Variants in ALK observed in about 807,000 individuals in gnomAD.
ALK encodes the protein ALK receptor tyrosine kinase, also known as ALK tyrosine kinase receptor.
In ALK, 74 loss-of-function variants were observed where a neutral mutation model predicts 163.1. The observed-to-expected ratio is 0.45, with a 90% CI of 0.38 to 0.55. The LOEUF (loss-of-function observed/expected upper bound fraction) is 0.55. Among genes scored for constraint, ALK ranks in the 20% least tolerant of loss-of-function variants. ALK has a pLI of 0.00. For missense variants in ALK, 2,063 were observed against 2,105.3 expected (o/e 0.98, Z 0.39); for synonymous variants, 960 against 843.2 (o/e 1.14, Z -2.40).
intron 9 of ALK, among the ~76,000 whole-genome samples, chr2:29,287,384 A>T (rs1665887119): frequency 6.6e-6 from 1 of 152,244 alleles, no homozygotes; most frequent in Admixed American, 6.5e-5. Flanking sequence ...TACACACAAT[A>T]GATGCCTAAC....
rs1297505919 is a variant in ALK, at chr2:29,209,809, G to A, written c.3813C>T (p.Phe1271=). 7.4e-6 allele frequency: 12 copies of A among 1,613,954 alleles called. No individual in the cohort carries two copies. Among genetic ancestry groups the A allele is most frequent in the African/African-American group, 5.3e-5 (4 of 74,902 alleles). The change falls in exon 25 of 29, where the codon TTC becomes TTT. Residue 1271 remains phenylalanine, a synonymous_variant. Coordinates refer to ENST00000389048, the MANE Select transcript of ALK (RefSeq NM_004304.5). ...ACCTGTAGATGTCTCGGGCCATCCCGAAGTCTCCAATCTTGGCCACTCTTC... is the reference window on the plus strand; with the variant it reads ...ACCTGTAGATGTCTCGGGCCATCCCAAAGTCTCCAATCTTGGCCACTCTTC... The part of the protein sequence containing the change: ...GPGRVAKIGD[F]GMARDIYRAS...
intron 1 of ALK, among the ~76,000 whole-genome samples, chr2:29,722,075 T>G (rs184531726): frequency 1.4e-4 from 21 of 152,338 alleles, no homozygotes; most frequent in Admixed American, 1.1e-3. Context: ...CTTCTTGGAT[T>G]TTTCACATCC....
At chr2:29,311,907 A>T (rs1288887207) in intron 8 of ALK, among the ~76,000 whole-genome samples, 1 of 152,062 alleles carries the variant, frequency 6.6e-6, no homozygotes, top group Non-Finnish European at 1.5e-5. Context: ...GAGCAAAGGG[A>T]CTTTTGGCAG....
At chr2:29,621,756 C>T (rs929953279) in intron 3 of ALK, among the ~76,000 whole-genome samples, 3 of 152,196 alleles carry the variant, frequency 2.0e-5, no homozygotes, top group African/African-American at 7.2e-5. Flanking sequence ...AGGTGACCCC[C>T]TCAAGAATTC....
chr2:29,240,280 A>T (rs905716312), intron 12 of ALK, among the ~76,000 whole-genome samples: 16 of 152,096 alleles, frequency 1.1e-4, no homozygotes, highest in Non-Finnish European at 1.3e-4. Context: ...CAATGGACTC[A>T]TGTGACCTTA....
At chr2:29,432,343 A>G (rs1670291699) in intron 4 of ALK, among the ~76,000 whole-genome samples, 1 of 151,880 alleles carries the variant, frequency 6.6e-6, no homozygotes, top group Non-Finnish European at 1.5e-5. Flanking sequence ...CCATCTTCCC[A>G]TTGCTCTCTC....
intron 9 of ALK, among the ~76,000 whole-genome samples, chr2:29,296,098 C>T (rs1395160553): frequency 6.6e-6 from 1 of 152,170 alleles, no homozygotes; most frequent in Non-Finnish European, 1.5e-5. Flanking sequence ...CTCCATGGTT[C>T]CTGCTCCATT....
intron 3 of ALK, among the ~76,000 whole-genome samples, chr2:29,589,721 G>C (rs1674992568): frequency 1.3e-5 from 2 of 152,168 alleles, no homozygotes; most frequent in Non-Finnish European, 2.9e-5. Flanking sequence ...TACAGCTCGG[G>C]AAGTTACACT....
intron 2 of ALK, among the ~76,000 whole-genome samples, chr2:29,695,309 G>A (rs1678521713): frequency 6.6e-6 from 1 of 152,194 alleles, no homozygotes; most frequent in Non-Finnish European, 1.5e-5. Flanking sequence ...GAAGTTACCT[G>A]AAGACATAGA....
intron 8 of ALK, among the ~76,000 whole-genome samples, chr2:29,315,570 C>T (rs903760420): frequency 2.0e-5 from 3 of 152,140 alleles, no homozygotes; most frequent in Admixed American, 6.5e-5. Context: ...AGTTTCAGTG[C>T]ACCTCCAAAT....
chr2:29,607,691 TCTC>T (rs1558405919), intron 3 of ALK, among the ~76,000 whole-genome samples: 1 of 152,138 alleles, frequency 6.6e-6, no homozygotes, highest in African/African-American at 2.4e-5. Flanking sequence ...CTCTCTCAGT[TCTC>T]CTTCTACCTC....
chr2:29,489,613 A>G (rs1671854396), intron 4 of ALK, among the ~76,000 whole-genome samples: 1 of 152,328 alleles, frequency 6.6e-6, no homozygotes, highest in East Asian at 1.9e-4. Context: ...CAAAGATGTT[A>G]TATTAATCTG....
chr2:29,466,228 A>C (rs769785080), intron 4 of ALK, among the ~76,000 whole-genome samples: 4 of 152,168 alleles, frequency 2.6e-5, no homozygotes, highest in Non-Finnish European at 1.5e-5. Context: ...CCGTGAAAAC[A>C]CTAGTACAGA....
At chr2:29,911,263 GT>G (rs1196346414) in intron 1 of ALK, among the ~76,000 whole-genome samples, 2 of 152,158 alleles carry the variant, frequency 1.3e-5, no homozygotes, top group Non-Finnish European at 2.9e-5. Flanking sequence ...ACATTTACTT[GT>G]TTTTTCCTTC....
chr2:29,632,021 T>C lies in ALK; in HGVS notation c.952+62829A>G, dbSNP rs1466097835. Among the ~76,000 whole-genome samples the C allele has an allele frequency of 3.3e-5, 5 of 152,088 alleles. No homozygotes were observed. The East Asian group carries it at 9.6e-4, about 29-fold the overall frequency. ...GCACTGAAGGGTAGAAATAAGAAAA[T>C]TGCACAAATCCCATGCACATAGTAA... is the stretch of plus-strand genomic sequence containing the variant. On this transcript the variant is annotated intron_variant, in intron 3 of 28. Coordinates refer to ENST00000389048, the MANE Select transcript of ALK (RefSeq NM_004304.5).
intron 8 of ALK, among the ~76,000 whole-genome samples, chr2:29,309,234 G>A (rs551958227): frequency 2.2e-4 from 33 of 152,266 alleles, no homozygotes; most frequent in African/African-American, 7.0e-4. Context: ...ATAGCTGGAG[G>A]GAGTGTGTGC....
chr2:29,413,002 G>A lies in ALK; in HGVS notation c.1155-29143C>T, dbSNP rs145360726. On this transcript the variant is annotated intron_variant, in intron 4 of 28. Coordinates refer to ENST00000389048, the MANE Select transcript of ALK (RefSeq NM_004304.5). Reference sequence around the variant, plus strand: ...GTTCTTCAAGATCGTAGCTATGGTGGCATGTGACATGCTTGACGGGCAAGC... The same window carrying A: ...GTTCTTCAAGATCGTAGCTATGGTGACATGTGACATGCTTGACGGGCAAGC... 1.7e-3 allele frequency among the ~76,000 whole-genome samples: 256 copies of A among 152,288 alleles called. 2 individuals are homozygous for A. The highest frequency in any genetic ancestry group is 3.8e-3 in the Admixed American group (58 of 15,300).
intron 26 of ALK, among the ~76,000 whole-genome samples, chr2:29,204,664 A>G (rs1359815924): frequency 1.3e-5 from 2 of 152,102 alleles, no homozygotes; most frequent in African/African-American, 4.8e-5. Context: ...ATCTCAGCTC[A>G]CTACAACCTC....
intron 4 of ALK, among the ~76,000 whole-genome samples, chr2:29,495,802 C>T (rs1672008327): frequency 6.6e-6 from 1 of 152,176 alleles, no homozygotes; most frequent in Non-Finnish European, 1.5e-5. Context: ...TTCGTCTTTT[C>T]TTCTTGGTCC....
Sources: gnomAD v4.1 joint callset for allele counts (sites outside exome capture counted in the v4.1 genomes callset) on GRCh38, gnomAD v4.1.1 for gene constraint, MANE v1.5 for transcripts, NCBI Gene and HGNC (gene_info 2026-07-23, HGNC 2026-07-21) for gene names.